SHROOM3: variants seen among roughly 807,000 people sequenced by gnomAD.
SHROOM3 encodes protein Shroom3.
A neutral mutation model predicts 138.6 loss-of-function variants in SHROOM3; 47 were observed. The observed-to-expected ratio is 0.34, with a 90% CI of 0.27 to 0.43. The LOEUF is 0.43. Ranked by LOEUF, SHROOM3 falls within the 20% of genes least tolerant of loss-of-function variation. The probability of loss-of-function intolerance (pLI) is 1.00; values close to 1 mark genes in which losing one functional copy is unlikely to be tolerated. For missense variants in SHROOM3, 2,491 were observed against 2,596.5 expected (o/e 0.96, Z 0.88); for synonymous variants, 1,062 against 1,063.3 (o/e 1.00, Z 0.02).
chr4:76,662,087 T>C (rs1398629931), intron 2 of SHROOM3, among the ~76,000 whole-genome samples: 1 of 152,204 alleles, frequency 6.6e-6, no homozygotes, highest in East Asian at 1.9e-4. Flanking sequence ...TAGCTCACAA[T>C]ACTCTAGGTC....
intron 1 of SHROOM3, among the ~76,000 whole-genome samples, chr4:76,497,149 C>G (rs1007051257): frequency 1.3e-5 from 2 of 152,168 alleles, no homozygotes; most frequent in Non-Finnish European, 2.9e-5. Context: ...GCTCTCTGAG[C>G]AAAATAACTT....
chr4:76,512,685 TA>T (rs1189863967), intron 1 of SHROOM3, among the ~76,000 whole-genome samples: 1 of 152,156 alleles, frequency 6.6e-6, no homozygotes, highest in African/African-American at 2.4e-5. Flanking sequence ...AACCTGGACC[TA>T]AGGGACTTGT....
chr4:76,744,293 G>A (rs1378737774), intron 5 of SHROOM3, among the ~76,000 whole-genome samples: 32 of 152,148 alleles, frequency 2.1e-4, no homozygotes, highest in Non-Finnish European at 1.5e-5. Context: ...AGGCAGAGAG[G>A]GAAATATTTC....
chr4:76,742,273 A>G, intron 5 of SHROOM3: 1 of 345,372 alleles, frequency 2.9e-6, no homozygotes, highest in Non-Finnish European at 5.5e-6. Flanking sequence ...AATGGATTAG[A>G]GTCTGGGTCT....
intron 2 of SHROOM3, among the ~76,000 whole-genome samples, chr4:76,585,202 T>G (rs1260817163): frequency 1.3e-5 from 2 of 152,206 alleles, no homozygotes; most frequent in Non-Finnish European, 2.9e-5. Flanking sequence ...TCTGTGTGTG[T>G]GGGGAGGGGG....
chr4:76,493,439 G>T (rs1400660092), intron 1 of SHROOM3, among the ~76,000 whole-genome samples: 6 of 152,098 alleles, frequency 3.9e-5, no homozygotes, highest in Admixed American at 2.6e-4. Context: ...ATAATTGATG[G>T]TAATGGCCTG....
intron 2 of SHROOM3, among the ~76,000 whole-genome samples, chr4:76,657,861 G>A (rs528073543): frequency 6.6e-6 from 1 of 152,320 alleles, no homozygotes; most frequent in East Asian, 1.9e-4. Flanking sequence ...CCTTCCCAAG[G>A]ATACATATTC....
rs1235719250 is a variant in SHROOM3 at position 76,587,462 on chromosome 4, AG to A, written c.323+31701del. Among the ~76,000 whole-genome samples the A allele has an allele frequency of 2.6e-5, 4 of 152,312 alleles. No individual in the cohort carries two copies. The East Asian group carries it at 7.7e-4, about 29-fold the overall frequency. Reference sequence around the variant, plus strand: ...TCAAGGATGTAAACACCTTCATGAAAGGAAGGTGTTTACCCATTCTCAATGA... The same window carrying A: ...TCAAGGATGTAAACACCTTCATGAAAGAAGGTGTTTACCCATTCTCAATGA... On this transcript the variant is annotated intron_variant, in intron 2 of 10. Transcript: ENST00000296043.
rs1051460355 is a variant in SHROOM3, at chr4:76,612,723, C to G, written c.323+56960C>G. ...GAACACTGAAGTAGGAGGATCCATTCAGCCCGGTAGTTTGAGAACAGCTTG... is the reference window on the plus strand; with the variant it reads ...GAACACTGAAGTAGGAGGATCCATTGAGCCCGGTAGTTTGAGAACAGCTTG... On this transcript the variant is annotated intron_variant, in intron 2 of 10. Coordinates refer to ENST00000296043, the MANE Select transcript of SHROOM3 (RefSeq NM_020859.4). 2.6e-5 allele frequency among the ~76,000 whole-genome samples: 4 copies of G among 152,216 alleles called. No homozygotes were observed. The East Asian group carries it at 5.8e-4, about 22-fold the overall frequency.
chr4:76,452,197 A>G (rs560168936), intron 1 of SHROOM3, among the ~76,000 whole-genome samples: 1 of 152,374 alleles, frequency 6.6e-6, no homozygotes, highest in African/African-American at 2.4e-5. Context: ...TAGCAAATAC[A>G]TTTTAAACTT....
chr4:76,600,427 G>A (rs1383840293), intron 2 of SHROOM3, among the ~76,000 whole-genome samples: 1 of 152,164 alleles, frequency 6.6e-6, no homozygotes, highest in African/African-American at 2.4e-5. Context: ...TGGAAAGAAA[G>A]CAGAAAACTG....
intron 1 of SHROOM3, among the ~76,000 whole-genome samples, chr4:76,526,895 G>A (rs761480221): frequency 1.8e-4 from 27 of 152,184 alleles, no homozygotes; most frequent in Non-Finnish European, 3.8e-4. Context: ...ACCTGGTCAT[G>A]AGTTTTCAGT....
intron 1 of SHROOM3, among the ~76,000 whole-genome samples, chr4:76,504,442 C>A (rs1047166603): frequency 6.6e-6 from 1 of 152,134 alleles, no homozygotes; most frequent in African/African-American, 2.4e-5. Context: ...TACAGGCGTG[C>A]GCCAAAATGC....
chr4:76,636,527 CA>C (rs1339391704), intron 2 of SHROOM3, among the ~76,000 whole-genome samples: 6 of 152,240 alleles, frequency 3.9e-5, no homozygotes, highest in African/African-American at 1.2e-4. Context: ...CACAGGTCCT[CA>C]AATAACATTG....
chr4:76,779,266 C>A lies in SHROOM3; in HGVS notation c.*89C>A. 3 of 1,486,946 alleles carry A rather than the reference C, an allele frequency of 2.0e-6. No homozygotes were observed. The highest frequency in any genetic ancestry group is 1.8e-6 in the Non-Finnish European group (2 of 1,116,016). The allele number at this position is 1,486,946 out of a possible 1,614,324, so 92.1% of individuals were successfully genotyped here. A position where few individuals can be genotyped will look rare whatever the true frequency, so the allele number is the denominator to read the frequency against. On this transcript the variant is annotated 3_prime_UTR_variant, in exon 11 of 11. Coordinates refer to ENST00000296043, the MANE Select transcript of SHROOM3 (RefSeq NM_020859.4). Reference sequence around the variant, plus strand: ...GTTTCAGTACAAACCACTGTTTGAACTATCTGGGTTATTGGTGTTTGTTCC... The same window carrying A: ...GTTTCAGTACAAACCACTGTTTGAAATATCTGGGTTATTGGTGTTTGTTCC...
At chr4:76,707,202 T>C (rs182326297) in intron 2 of SHROOM3, among the ~76,000 whole-genome samples, 7 of 152,312 alleles carry the variant, frequency 4.6e-5, no homozygotes, top group African/African-American at 1.7e-4. Context: ...CAAATCTGGG[T>C]TAGTAATTGT....
chr4:76,773,601 G>A (rs1024391482), intron 10 of SHROOM3, among the ~76,000 whole-genome samples: 3 of 152,116 alleles, frequency 2.0e-5, no homozygotes, highest in African/African-American at 7.2e-5. Context: ...AGGGAGCCCT[G>A]ATCAGAACCA....
intron 1 of SHROOM3, among the ~76,000 whole-genome samples, chr4:76,521,624 G>A (rs1354572136): frequency 6.6e-6 from 1 of 152,188 alleles, no homozygotes; most frequent in African/African-American, 2.4e-5. Context: ...TGTAGAAGTG[G>A]CGACGGCAAA....
At position 76,541,065 on chromosome 4, in the gene SHROOM3, AGT is replaced by A. The variant is rs1009265756; in HGVS notation, c.169-14543_169-14542del. Among the ~76,000 whole-genome samples, 28 of 152,206 alleles carry A rather than the reference AGT, an allele frequency of 1.8e-4. 1 individual carries two copies. Among genetic ancestry groups the A allele is most frequent in the African/African-American group, 6.8e-4 (28 of 41,462 alleles). ...AAAGACTCAGTCTCTCCACTGATGT[AGT>A]TACTGAAAAGAAGTTCTCTTTTCCT... On this transcript the variant is annotated intron_variant, in intron 1 of 10. Transcript: ENST00000296043.
Sources: allele counts gnomAD v4.1 joint callset (sites outside exome capture counted in the v4.1 genomes callset), GRCh38; gene constraint gnomAD v4.1.1; transcripts MANE v1.5; gene names NCBI Gene and HGNC (gene_info 2026-07-23, HGNC 2026-07-21).